The following KRABD4 variants were observed in gnomAD, a reference collection of about 807,000 sequenced individuals.
KRABD4 encodes KRAB domain-containing protein 4.
At chrX:46,457,019 T>C in the KRABD4 span, 2 of 317,138 alleles carry the variant, frequency 6.3e-6, no homozygotes. Context: ...ACCGAGTGAT[T>C]ACTGTATCCC....
At chrX:46,455,165 G>C in the KRABD4 span, 1 of 958,621 alleles carries the variant, frequency 1.0e-6, no homozygotes. Context: ...TGATCACTAA[G>C]TAGAAGTTAT....
the KRABD4 span, among the ~76,000 whole-genome samples, chrX:46,468,462 G>A: frequency 9.1e-6 from 1 of 110,186 alleles, no homozygotes; most frequent in Non-Finnish European, 1.9e-5. Flanking sequence ...CAGGAGGCAG[G>A]GGTTGCAGTG....
chrX:46,456,477 CT>C, the KRABD4 span: 1 of 167,336 alleles, frequency 6.0e-6, no homozygotes, highest in Non-Finnish European at 1.2e-5. Context: ...TAAAGCTTTT[CT>C]TACAAGGTTA....
the KRABD4 span, chrX:46,462,547 G>T: frequency 1.7e-6 from 1 of 603,207 alleles, no homozygotes; most frequent in Non-Finnish European, 2.5e-6. Context: ...TGTGGGTGTG[G>T]GAACCAGACC....
the KRABD4 span, among the ~76,000 whole-genome samples, chrX:46,458,513 G>A: frequency 8.9e-6 from 1 of 111,890 alleles, no homozygotes; most frequent in African/African-American, 3.2e-5. Flanking sequence ...CATACAAAAA[G>A]ATTATAATCC....
At chrX:46,455,829 A>C in the KRABD4 span, 1 of 349,987 alleles carries the variant, frequency 2.9e-6, no homozygotes, top group South Asian at 3.2e-5. Context: ...CCAAACAGGC[A>C]TAGTAAGCAT....
chrX:46,451,024 C>T, the KRABD4 span, among the ~76,000 whole-genome samples: 1 of 111,732 alleles, frequency 8.9e-6, no homozygotes, highest in Admixed American at 9.5e-5. Context: ...AGAACTGTAC[C>T]TCATCTTCTC....
chrX:46,463,170 G>T, the KRABD4 span: 1 of 1,193,522 alleles, frequency 8.4e-7, no homozygotes. Flanking sequence ...CATTAATAAC[G>T]AAGTCCTATG....
chrX:46,471,051 G>A, the KRABD4 span: 2 of 1,011,802 alleles, frequency 2.0e-6, no homozygotes, highest in East Asian at 6.8e-5. Context: ...CTATATCCTT[G>A]CTGGTTTTCT....
chrX:46,461,106 C>T, the KRABD4 span, among the ~76,000 whole-genome samples: 1 of 107,950 alleles, frequency 9.3e-6, no homozygotes, highest in African/African-American at 3.4e-5. Context: ...AACCAGGTGA[C>T]ATTACTCCAG....
the KRABD4 span, chrX:46,454,271 G>A: frequency 7.1e-6 from 1 of 141,319 alleles, no homozygotes; most frequent in Non-Finnish European, 1.5e-5. Flanking sequence ...AAGTCTGTAA[G>A]GACTCCCTGG....
At chrX:46,458,361 A>G in the KRABD4 span, among the ~76,000 whole-genome samples, 12 of 112,418 alleles carry the variant, frequency 1.1e-4, no homozygotes, top group Non-Finnish European at 5.6e-5. Flanking sequence ...TGGTTTACAT[A>G]TATCAACATT....
chrX:46,462,052 G>A, the KRABD4 span, among the ~76,000 whole-genome samples: 1 of 111,937 alleles, frequency 8.9e-6, no homozygotes, highest in Non-Finnish European at 1.9e-5. Context: ...TTACCAGCCC[G>A]GCCTCTGTTC....
chrX:46,455,266 TTCTG>T, the KRABD4 span: 3 of 911,663 alleles, frequency 3.3e-6, no homozygotes, highest in African/African-American at 3.9e-5. Flanking sequence ...ATGCTCGTGC[TTCTG>T]TCTTTCTTTG....
chrX:46,462,374 G>C, the KRABD4 span: 1 of 196,494 alleles, frequency 5.1e-6, no homozygotes, highest in Non-Finnish European at 9.6e-6. Flanking sequence ...GCCGGGCGTG[G>C]TGGCGGGCTC....
At chrX:46,452,788 C>T in the KRABD4 span, among the ~76,000 whole-genome samples, 1 of 111,813 alleles carries the variant, frequency 8.9e-6, no homozygotes, top group Non-Finnish European at 1.9e-5. Context: ...AATTGCCTTC[C>T]AAATAGGATG....
chrX:46,473,010 T>C, the KRABD4 span: 48 of 1,209,397 alleles, frequency 4.0e-5, no homozygotes, highest in Non-Finnish European at 5.4e-5. Flanking sequence ...GAAAGAAAGA[T>C]GATGGATGTA....
At chrX:46,463,742 T>G in the KRABD4 span, among the ~76,000 whole-genome samples, 36 of 111,734 alleles carry the variant, frequency 3.2e-4, no homozygotes, top group Non-Finnish European at 6.4e-4. Flanking sequence ...TTTGGCCTTT[T>G]TTTTTTAGCC....
the KRABD4 span, among the ~76,000 whole-genome samples, chrX:46,467,290 C>G: frequency 8.9e-6 from 1 of 111,800 alleles, no homozygotes; most frequent in Non-Finnish European, 1.9e-5. Context: ...TGGTGCCTCA[C>G]GCCTGTAATC....
Sources: gnomAD v4.1 joint callset for allele counts (sites outside exome capture counted in the v4.1 genomes callset) on GRCh38, gnomAD v4.1.1 for gene constraint, MANE v1.5 for transcripts, NCBI Gene and HGNC (gene_info 2026-07-23, HGNC 2026-07-21) for gene names.